ST3GAL4: variants seen among roughly 807,000 people sequenced by gnomAD.
The protein encoded by ST3GAL4 is CMP-N-acetylneuraminate-beta-galactosamide-alpha-2,3-sialyltransferase 4.
In ST3GAL4, 24 loss-of-function variants were observed where a neutral mutation model predicts 42.6. The observed-to-expected ratio is 0.56, with a 90% confidence interval of 0.41 to 0.79. The LOEUF (loss-of-function observed/expected upper bound fraction) is 0.79. Among genes scored for constraint, ST3GAL4 ranks in the 30% least tolerant of loss-of-function variants. The pLI, the probability that ST3GAL4 is intolerant of heterozygous loss-of-function variation, is 0.00. For synonymous variants in ST3GAL4, 135 were observed against 163.2 expected (o/e 0.83, Z 1.32); for missense variants, 311 against 430.8 (o/e 0.72, Z 2.46).
rs1316191449 is a variant in ST3GAL4, at chr11:126,376,890, A to G, written c.-61+21048A>G. The G allele has an allele frequency of 2.0e-5, 3 of 152,218 alleles. No individual in the cohort carries two copies. Among genetic ancestry groups the G allele is most frequent in the Non-Finnish European group, 2.9e-5 (2 of 68,040 alleles). The allele number at this position is 152,218 out of a possible 1,614,324, so 9.4% of individuals were successfully genotyped here. ...TACATAGTCAGTGTTGCTTTCCTCA[A>G]GTTGAATGATCCTCATGGTAACTGT... On this transcript the variant is annotated intron_variant, in intron 1 of 10. Transcript: ENST00000444328. This position sits in a 1 kb window ranked among gnomAD's most constrained non-coding sequence, Gnocchi z 5.1.
Position 126,367,860 on chromosome 11 carries a change from A to G in ST3GAL4, c.-61+12018A>G, listed in dbSNP as rs566936888. Among the ~76,000 whole-genome samples, 3 of 152,296 alleles carry G rather than the reference A, an allele frequency of 2.0e-5. No homozygotes were observed. In the South Asian group the frequency reaches 6.2e-4, roughly 32 times the overall value. ...GTTGAAAACTTCAATAAGATTATGC[A>G]TAGCAGGCCGGGTGTGGTGGCTCAC... On this transcript the variant is annotated intron_variant, in intron 1 of 10. Transcript: ENST00000444328.
Position 126,406,411 on chromosome 11 carries a change from G to A in ST3GAL4, c.17-62G>A. On this transcript the variant is annotated intron_variant, in intron 2 of 10. Coordinates refer to ENST00000444328, the MANE Select transcript of ST3GAL4 (RefSeq NM_001254757.2). The surrounding 1 kb of genome is among the most constrained non-coding windows in gnomAD (Gnocchi z 5.4). ...GGACTCAGAAGGGGGCAGGTGGGAAGGTGGACGGGGGTTGTACCTGCCTGT... is the reference window on the plus strand; with the variant it reads ...GGACTCAGAAGGGGGCAGGTGGGAAAGTGGACGGGGGTTGTACCTGCCTGT... 1.2e-6 allele frequency: 2 copies of A among 1,612,572 alleles called. No homozygotes were observed. The highest frequency in any genetic ancestry group is 1.7e-6 in the Non-Finnish European group (2 of 1,179,424).
At chr11:126,369,561 T>A (rs1952562950) in intron 1 of ST3GAL4, among the ~76,000 whole-genome samples, 1 of 152,210 alleles carries the variant, frequency 6.6e-6, no homozygotes, top group Non-Finnish European at 1.5e-5. Context: ...TGCCATTTTT[T>A]AAAATCCCTA....
rs549780520 is a variant in ST3GAL4 at position 126,378,433 on chromosome 11, G to A, written c.-61+22591G>A. ...GATTGGTTTTCTTTTTATTTGAGAC[G>A]GAGTCTTGCTGTGTCACTCAGGCTG... is the stretch of plus-strand genomic sequence containing the variant. On this transcript the variant is annotated intron_variant, in intron 1 of 10. Transcript: ENST00000444328. The surrounding 1 kb of genome is among the most constrained non-coding windows in gnomAD (Gnocchi z 5.3). Among the ~76,000 whole-genome samples the A allele has an allele frequency of 9.2e-5, 14 of 152,058 alleles. No individual in the cohort carries two copies. Among genetic ancestry groups the A allele is most frequent in the African/African-American group, 7.3e-5 (3 of 41,362 alleles).
At position 126,397,588 on chromosome 11, in the gene ST3GAL4, G is replaced by A. The variant is rs529337874; in HGVS notation, c.-60-8508G>A. Among the ~76,000 whole-genome samples, 4 of 152,266 alleles carry A rather than the reference G, an allele frequency of 2.6e-5. No homozygotes were observed. The East Asian group carries it at 5.8e-4, about 22-fold the overall frequency. The stretch of plus-strand genomic sequence containing the variant: ...CCAGAGTGGGATGGTCCCAGCGAGC[G>A]GGATGTGGAGGGTTAGGATGTTATC... On this transcript the variant is annotated intron_variant, in intron 1 of 10. Coordinates refer to ENST00000444328, the MANE Select transcript of ST3GAL4 (RefSeq NM_001254757.2). This position sits in a 1 kb window ranked among gnomAD's most constrained non-coding sequence, Gnocchi z 5.0.
In ST3GAL4 at chr11:126,409,228, C is replaced by T. The variant is rs200047949; in HGVS notation, c.628-40C>T. ...GGGTTGGATTTGAGAAACAGGGCTT[C>T]ACCCGCTTCTGTCTCTCTCTTCTGA... On this transcript the variant is annotated intron_variant, in intron 8 of 10. Transcript: ENST00000444328. This position sits in a 1 kb window ranked among gnomAD's most constrained non-coding sequence, Gnocchi z 4.9. The T allele has an allele frequency of 4.9e-4, 782 of 1,605,878 alleles. No homozygotes were observed. The Middle Eastern group carries it at 9.5e-3, about 19-fold the overall frequency.
At chr11:126,399,180 G>A (rs1053743580) in intron 1 of ST3GAL4, among the ~76,000 whole-genome samples, 1 of 151,948 alleles carries the variant, frequency 6.6e-6, no homozygotes, top group Non-Finnish European at 1.5e-5. Flanking sequence ...TAACATGCCT[G>A]CACCCTTGCT....
chr11:126,403,072 C>T, intron 1 of ST3GAL4: 1 of 152,450 alleles, frequency 6.6e-6, no homozygotes, highest in Non-Finnish European at 1.5e-5. Context: ...GGAAAGGCGC[C>T]ATGTTGTCTT....
intron 1 of ST3GAL4, among the ~76,000 whole-genome samples, chr11:126,377,750 A>T (rs1271925382): frequency 2.0e-5 from 3 of 152,216 alleles, no homozygotes; most frequent in African/African-American, 7.2e-5. Context: ...TGCTGGGATT[A>T]TAGGCGTGAG....
intron 1 of ST3GAL4, among the ~76,000 whole-genome samples, chr11:126,390,399 A>G (rs1223600407): frequency 1.3e-5 from 2 of 152,012 alleles, no homozygotes; most frequent in Non-Finnish European, 1.5e-5. Flanking sequence ...ATACTTCAAA[A>G]TGGAATTACC....
chr11:126,376,172 C>T lies in ST3GAL4; in HGVS notation c.-61+20330C>T, dbSNP rs887131114. 3.9e-5 allele frequency among the ~76,000 whole-genome samples: 6 copies of T among 152,070 alleles called. No homozygotes were observed. The highest frequency in any genetic ancestry group is 7.4e-5 in the Non-Finnish European group (5 of 68,020). On this transcript the variant is annotated intron_variant, in intron 1 of 10. Transcript: ENST00000444328. This position sits in a 1 kb window ranked among gnomAD's most constrained non-coding sequence, Gnocchi z 5.1. The stretch of plus-strand genomic sequence containing the variant: ...GAGCATATTCTATAGTAAGTTACTC[C>T]GATTGGCTTTTGGTATTAAAATGTC...
chr11:126,383,681 C>T lies in ST3GAL4; in HGVS notation c.-60-22415C>T, dbSNP rs1306532381. On this transcript the variant is annotated intron_variant, in intron 1 of 10. Coordinates refer to ENST00000444328, the MANE Select transcript of ST3GAL4 (RefSeq NM_001254757.2). The surrounding 1 kb of genome is among the most constrained non-coding windows in gnomAD (Gnocchi z 4.5). ...GTGTAGGTTACTGACATGGGAGGGC[C>T]GGTGTGAGCTGCAGGGACCGGAGAG... Among the ~76,000 whole-genome samples, 3 of 152,050 alleles carry T rather than the reference C, an allele frequency of 2.0e-5. No homozygotes were observed. The highest frequency in any genetic ancestry group is 2.9e-5 in the Non-Finnish European group (2 of 68,008).
rs1358385283 is a variant in ST3GAL4, at chr11:126,384,832, A to G, written c.-60-21264A>G. The G allele has an allele frequency of 9.1e-6, 9 of 985,230 alleles. No homozygotes were observed. Among genetic ancestry groups the G allele is most frequent in the East Asian group, 1.1e-4 (1 of 8,800 alleles). The allele number at this position is 985,230 out of a possible 1,614,324, so 61.0% of individuals were successfully genotyped here. A position where few individuals can be genotyped will look rare whatever the true frequency, so the allele number is the denominator to read the frequency against. ...CTGGCCGTGGCAGGTCCTTTGTCAC[A>G]TATGGGCCAGGAGAGGTGAGTGTGA... On this transcript the variant is annotated intron_variant, in intron 1 of 10. Transcript: ENST00000444328. The surrounding 1 kb of genome is among the most constrained non-coding windows in gnomAD (Gnocchi z 5.5).
rs1954566778 is a variant in ST3GAL4 at position 126,412,304 on chromosome 11, G to T, written c.772-1201G>T. Among the ~76,000 whole-genome samples, 2 of 152,158 alleles carry T rather than the reference G, an allele frequency of 1.3e-5. 1 individual carries two copies. The highest frequency in any genetic ancestry group is 4.1e-4 in the South Asian group (2 of 4,822). ...GGTCCAGCCAGGGAGTGGAAGATGA[G>T]AAGACAGGAGAGCTCAGAGAGGGAG... On this transcript the variant is annotated intron_variant, in intron 9 of 10. Coordinates refer to ENST00000444328, the MANE Select transcript of ST3GAL4 (RefSeq NM_001254757.2).
At chr11:126,395,454 C>T (rs1953707988) in intron 1 of ST3GAL4, among the ~76,000 whole-genome samples, 1 of 152,130 alleles carries the variant, frequency 6.6e-6, no homozygotes, top group South Asian at 2.1e-4. Flanking sequence ...CGCAAAGGCC[C>T]AGAGGAGGGA....
At chr11:126,371,489 G>A (rs543391385) in intron 1 of ST3GAL4, among the ~76,000 whole-genome samples, 6 of 152,138 alleles carry the variant, frequency 3.9e-5, no homozygotes, top group African/African-American at 1.4e-4. Flanking sequence ...ACATAAGCAC[G>A]CACTATTTAC....
chr11:126,406,496 G>A lies in ST3GAL4; in HGVS notation c.40G>A (p.Ala14Thr). 1.2e-6 allele frequency: 2 copies of A among 1,614,202 alleles called. No individual in the cohort carries two copies. The highest frequency in any genetic ancestry group is 1.7e-6 in the Non-Finnish European group (2 of 1,180,026). ...KSRWKLLAML[A>T]LVLVVMVWYS... ...AGGCTGGAAGCTCCTGGCCATGTTG[G>A]CTCTGGTCCTGGTCGTCATGGTGTG... Residue 14 changes from alanine to threonine, a missense_variant, in exon 3 of 11, where the codon GCT becomes ACT. Ala to Thr is a moderately conservative substitution (Grantham distance 58, BLOSUM62 0). Transcript: ENST00000444328. The surrounding 1 kb of genome is among the most constrained non-coding windows in gnomAD (Gnocchi z 5.4).
rs188766627 is a variant in ST3GAL4, at chr11:126,359,130, A to G, written c.-61+3288A>G. Among the ~76,000 whole-genome samples, 425 of 152,276 alleles carry G rather than the reference A, an allele frequency of 2.8e-3. 2 individuals are homozygous for G. The highest frequency in any genetic ancestry group is 8.9e-3 in the African/African-American group (368 of 41,542). ...GCTGGGACCAGTTTGGAGAGTGCTA[A>G]GGAATGCTGGTCTGCAGCGACCCTA... On this transcript the variant is annotated intron_variant, in intron 1 of 10. Coordinates refer to ENST00000444328, the MANE Select transcript of ST3GAL4 (RefSeq NM_001254757.2). This position sits in a 1 kb window ranked among gnomAD's most constrained non-coding sequence, Gnocchi z 4.8.
chr11:126,389,954 A>G (rs554217236), intron 1 of ST3GAL4, among the ~76,000 whole-genome samples: 9 of 149,034 alleles, frequency 6.0e-5, no homozygotes, highest in Non-Finnish European at 1.3e-4. Context: ...CGGGTGAATC[A>G]CGAGGTCAGG....
Sources: allele counts gnomAD v4.1 joint callset (sites outside exome capture counted in the v4.1 genomes callset), GRCh38; gene constraint gnomAD v4.1.1; non-coding constraint Gnocchi (gnomAD v3.1); transcripts MANE v1.5; gene names NCBI Gene and HGNC (gene_info 2026-07-23, HGNC 2026-07-21).